The following NCOR2 variants were observed in gnomAD, a reference collection of about 807,000 sequenced individuals.
NCOR2 encodes nuclear receptor corepressor 2, also known as CTG repeat protein 26.
A neutral mutation model predicts 262.9 loss-of-function variants in NCOR2; 81 were observed. That is an observed-to-expected ratio of 0.31 (90% CI 0.26 to 0.37). The LOEUF (loss-of-function observed/expected upper bound fraction) is 0.37. NCOR2 is among the 10% of genes least tolerant of loss of function. The pLI is 1.00. For missense variants in NCOR2, 3,385 were observed against 3,621.4 expected (o/e 0.93, Z 1.68); for synonymous variants, 1,659 against 1,559.3 (o/e 1.06, Z -1.51).
At chr12:124,500,042 T>C (rs1410893085), upstream of NCOR2, among the ~76,000 whole-genome samples, 1 of 152,090 alleles carries the variant, frequency 6.6e-6, no homozygotes, top group Non-Finnish European at 1.5e-5. Flanking sequence ...GCCTGTGGCA[T>C]ACCGAGAGGT....
chr12:124,395,333 C>A (rs976724004), intron 16 of NCOR2, among the ~76,000 whole-genome samples: 2 of 152,138 alleles, frequency 1.3e-5, no homozygotes, highest in Non-Finnish European at 2.9e-5. Flanking sequence ...CCCCGCCCCA[C>A]CCCCGCTCCC....
At chr12:124,456,881 C>T (rs959712864) in intron 6 of NCOR2, among the ~76,000 whole-genome samples, 2 of 152,236 alleles carry the variant, frequency 1.3e-5, no homozygotes, top group Non-Finnish European at 2.9e-5. Flanking sequence ...CGGAGGCGCT[C>T]GCTGCCAAGA....
chr12:124,448,526 C>A (rs1031932278), intron 7 of NCOR2, among the ~76,000 whole-genome samples: 15 of 152,200 alleles, frequency 9.9e-5, no homozygotes, highest in Non-Finnish European at 2.1e-4. Flanking sequence ...TGGCCACTGG[C>A]TGAGGATGAC....
In NCOR2 at chr12:124,549,445, T is replaced by C. The variant is rs909316809; in HGVS notation, c.-164-13834A>G. Reference sequence around the variant, plus strand: ...AGGGATCTCTGCTGAGCTGGCTCCTTGGGGGCCTGGGGAGGAAGGCAACTG... The same window carrying C: ...AGGGATCTCTGCTGAGCTGGCTCCTCGGGGGCCTGGGGAGGAAGGCAACTG... On this transcript the variant is annotated intron_variant, in intron 1 of 32. Coordinates refer to the NCOR2 transcript ENST00000458234. This position sits in a 1 kb window ranked among gnomAD's most constrained non-coding sequence, Gnocchi z 4.4. Among the ~76,000 whole-genome samples, 5 of 152,204 alleles carry C rather than the reference T, an allele frequency of 3.3e-5. No homozygotes were observed. In the East Asian group the frequency reaches 9.6e-4, roughly 29 times the overall value.
rs1308369813 is a variant in NCOR2, at chr12:124,548,740, C to A, written c.-164-13129G>T. Among the ~76,000 whole-genome samples, 1 of 151,990 alleles carries A rather than the reference C, an allele frequency of 6.6e-6. No homozygotes were observed. Among genetic ancestry groups the A allele is most frequent in the African/African-American group, 2.4e-5 (1 of 41,344 alleles). ...GGCTGCCCCATGACTGGCTCATGGC[C>A]TTTGGGACAGTCCTACTCCATAAAA... On this transcript the variant is annotated intron_variant, in intron 1 of 32. Transcript: ENST00000458234. The surrounding 1 kb of genome is among the most constrained non-coding windows in gnomAD (Gnocchi z 5.1).
intron 32 of NCOR2, among the ~76,000 whole-genome samples, chr12:124,344,359 G>A (rs984825304): frequency 3.9e-5 from 6 of 152,216 alleles, no homozygotes; most frequent in Non-Finnish European, 5.9e-5. Context: ...ATTACAGCAG[G>A]AAGAGGGAGG....
At chr12:124,401,475 C>G (rs895868862) in intron 14 of NCOR2, among the ~76,000 whole-genome samples, 1 of 152,196 alleles carries the variant, frequency 6.6e-6, no homozygotes, top group African/African-American at 2.4e-5. Flanking sequence ...ATTTATAGGG[C>G]CATTTTATTC....
chr12:124,344,600 C>G (rs1275756142), exon 32 of NCOR2: 1 of 1,451,120 alleles, frequency 6.9e-7, no homozygotes, highest in Admixed American at 2.7e-5. Context: ...CACTCACCCT[C>G]CTGCAGGCGC....
intron 28 of NCOR2, 39 bp downstream of exon 30, chr12:124,350,548 C>T (rs1288029776): frequency 1.3e-6 from 2 of 1,596,008 alleles, no homozygotes; most frequent in South Asian, 2.3e-5. Flanking sequence ...AAGCACACTC[C>T]TCCCCTGGTC....
chr12:124,338,674 C>T (rs1205048318), intron 37 of NCOR2, among the ~76,000 whole-genome samples: 1 of 151,984 alleles, frequency 6.6e-6, no homozygotes, highest in African/African-American at 2.4e-5. Context: ...GCAAGAGGGA[C>T]ACCTCTTTTC....
chr12:124,545,658 G>C (rs1312912109), intron 1 of NCOR2, among the ~76,000 whole-genome samples: 3 of 152,226 alleles, frequency 2.0e-5, no homozygotes, highest in African/African-American at 4.8e-5. Flanking sequence ...GCCCGGCTGG[G>C]GTCAGGGCCC....
At chr12:124,540,041 C>T (rs959178003), upstream of NCOR2, among the ~76,000 whole-genome samples, 1 of 152,106 alleles carries the variant, frequency 6.6e-6, no homozygotes, top group African/African-American at 2.4e-5. Flanking sequence ...GACAGACCCC[C>T]TGTTACCTGC....
intron 1 of NCOR2, among the ~76,000 whole-genome samples, chr12:124,552,202 T>C (rs1171317382): frequency 6.6e-6 from 1 of 151,672 alleles, no homozygotes; most frequent in African/African-American, 2.4e-5. Flanking sequence ...GTGCCTGTAG[T>C]CCCAGCTACT....
At chr12:124,545,814 G>A (rs1363338048) in intron 1 of NCOR2, among the ~76,000 whole-genome samples, 2 of 152,114 alleles carry the variant, frequency 1.3e-5, no homozygotes, top group Admixed American at 6.5e-5. Flanking sequence ...GGTGGGGGAC[G>A]AGTGGCGTGG....
rs1250862749 is a variant in NCOR2 at position 124,523,462 on chromosome 12, C to T, written c.-118+12103G>A. ...TCCCAGGGACCTAACCCGGGAAGGA[C>T]ACATCACGCCGGCCAGCATCACCCA... On this transcript the variant is annotated intron_variant, in intron 1 of 46. Transcript: ENST00000404621. The surrounding 1 kb of genome is among the most constrained non-coding windows in gnomAD (Gnocchi z 4.0). Among the ~76,000 whole-genome samples, 1 of 152,170 alleles carries T rather than the reference C, an allele frequency of 6.6e-6. No homozygotes were observed. The highest frequency in any genetic ancestry group is 2.1e-4 in the South Asian group (1 of 4,824).
chr12:124,393,546 T>C (rs1318057989), intron 16 of NCOR2, among the ~76,000 whole-genome samples: 2 of 152,226 alleles, frequency 1.3e-5, no homozygotes, highest in African/African-American at 4.8e-5. Context: ...CCACTTCTCA[T>C]GGGGCCACAC....
At chr12:124,409,569 A>T (rs1220283800) in intron 13 of NCOR2, among the ~76,000 whole-genome samples, 2 of 151,670 alleles carry the variant, frequency 1.3e-5, no homozygotes, top group Non-Finnish European at 2.9e-5. Flanking sequence ...TGACTTACGC[A>T]TGGTCCAAGT....
intron 20 of NCOR2, 44 bp from the exon 23 acceptor site, chr12:124,363,843 C>G: frequency 7.6e-7 from 1 of 1,316,164 alleles, no homozygotes; most frequent in East Asian, 2.8e-5. Flanking sequence ...CACAGCCGGA[C>G]TCTCCCAGGG....
In NCOR2 at chr12:124,503,465, TGATG is replaced by T. The variant is rs57693607; in HGVS notation, c.-117-8101_-117-8098del. ...GAGAAAGGAGGAAGGATGCATGGAC[TGATG>T]GATGGATGGATGGATGATGGATTGA... On this transcript the variant is annotated intron_variant, in intron 1 of 46. Transcript: ENST00000404621. The surrounding 1 kb of genome is among the most constrained non-coding windows in gnomAD (Gnocchi z 4.3). 6.2e-4 allele frequency among the ~76,000 whole-genome samples: 92 copies of T among 149,002 alleles called. 5 individuals are homozygous for T. The highest frequency in any genetic ancestry group is 4.0e-3 in the South Asian group (19 of 4,780).
Sources: gnomAD v4.1 joint callset for allele counts (sites outside exome capture counted in the v4.1 genomes callset) on GRCh38, gnomAD v4.1.1 for gene constraint, Gnocchi (gnomAD v3.1) non-coding constraint, MANE v1.5 for transcripts, NCBI Gene and HGNC (gene_info 2026-07-23, HGNC 2026-07-21) for gene names.